GPC3: variants seen among roughly 807,000 people sequenced by gnomAD.
GPC3 encodes glypican-3.
GPC3 carries 3 observed loss-of-function variants against 34.4 expected under a neutral mutation model. That is an observed-to-expected ratio of 0.09 (90% CI 0.04 to 0.23). GPC3 has a LOEUF of 0.23. Among genes scored for constraint, GPC3 ranks in the 10% least tolerant of loss-of-function variants. The probability of loss-of-function intolerance (pLI) is 1.00; values close to 1 mark genes in which losing one functional copy is unlikely to be tolerated. For synonymous variants in GPC3, 177 were observed against 174.0 expected, an observed-to-expected ratio of 1.02 and a Z score of -0.13; for missense variants, 351 against 445.6, an observed-to-expected ratio of 0.79 and a Z score of 1.91.
At chrX:133,571,027 A>C (rs757972567) in intron 7 of GPC3, among the ~76,000 whole-genome samples, 1 of 111,974 alleles carries the variant, frequency 8.9e-6, no homozygotes, top group Admixed American at 9.4e-5. Context: ...GTATCATGAG[A>C]ATTTAGAAGC....
rs189451019 is a variant in GPC3, at chrX:133,911,365, C to T, written c.337+41685G>A. Among the ~76,000 whole-genome samples the T allele has an allele frequency of 4.4e-3, 493 of 112,171 alleles. 3 individuals carry two copies. Among genetic ancestry groups the T allele is most frequent in the Admixed American group, 6.9e-3 (73 of 10,567 alleles). On this transcript the variant is annotated intron_variant, in intron 2 of 7. Coordinates refer to ENST00000370818, the MANE Select transcript of GPC3 (RefSeq NM_004484.4). ...GACTAATTTACACATTTGTTCAACTCGATACAGGTTAACATCCTGGAAAAC... is the reference window on the plus strand; with the variant it reads ...GACTAATTTACACATTTGTTCAACTTGATACAGGTTAACATCCTGGAAAAC...
chrX:133,546,009 G>T (rs1384047776), intron 7 of GPC3, among the ~76,000 whole-genome samples: 3 of 111,605 alleles, frequency 2.7e-5, no homozygotes, highest in Non-Finnish European at 5.6e-5. Flanking sequence ...AACAAACGGG[G>T]ATGTCAATTT....
At chrX:133,620,875 G>T (rs967304705) in intron 6 of GPC3, among the ~76,000 whole-genome samples, 4 of 111,077 alleles carry the variant, frequency 3.6e-5, no homozygotes, top group African/African-American at 6.6e-5. Context: ...CTACATTTCC[G>T]GTTTTCCTAC....
intron 2 of GPC3, among the ~76,000 whole-genome samples, chrX:133,942,697 T>A (rs998829130): frequency 9.1e-6 from 1 of 110,277 alleles, no homozygotes; most frequent in Non-Finnish European, 1.9e-5. Context: ...AAAGAAATAC[T>A]TATTTGTGTA....
chrX:133,922,507 C>A (rs995401363), intron 2 of GPC3, among the ~76,000 whole-genome samples: 1 of 111,742 alleles, frequency 8.9e-6, no homozygotes, highest in South Asian at 3.8e-4. Context: ...TCAGGAACTA[C>A]CAGCTGTGCA....
intron 2 of GPC3, chrX:133,763,430 A>G (rs1166584344): frequency 1.9e-6 from 1 of 537,339 alleles, no homozygotes; most frequent in Non-Finnish European, 3.4e-6. Context: ...GAGACTGAAA[A>G]AGAATAGCAG....
At chrX:133,763,796 A>G (rs1412166824) in intron 2 of GPC3, 1 of 424,541 alleles carries the variant, frequency 2.4e-6, no homozygotes, top group Non-Finnish European at 4.2e-6. Flanking sequence ...ATGCAGAGAA[A>G]AGGGAATGCC....
intron 7 of GPC3, among the ~76,000 whole-genome samples, chrX:133,593,276 C>T (rs1342660995): frequency 7.3e-5 from 7 of 95,653 alleles, no homozygotes; most frequent in Non-Finnish European, 1.4e-4. Flanking sequence ...TTTCAGTGAG[C>T]CAAGATTGTG....
At chrX:133,570,042 C>G (rs1207572894) in intron 7 of GPC3, among the ~76,000 whole-genome samples, 1 of 109,618 alleles carries the variant, frequency 9.1e-6, no homozygotes, top group African/African-American at 3.3e-5. Flanking sequence ...CAGGCACCGA[C>G]CACCATGCCT....
At chrX:133,743,841 G>T (rs1468898407) in intron 3 of GPC3, among the ~76,000 whole-genome samples, 4 of 111,612 alleles carry the variant, frequency 3.6e-5, no homozygotes, top group African/African-American at 1.3e-4. Flanking sequence ...CAGAACAGAG[G>T]CCTCAGAAAT....
intron 6 of GPC3, among the ~76,000 whole-genome samples, chrX:133,632,263 C>T (rs2070375350): frequency 9.0e-6 from 1 of 110,634 alleles, no homozygotes; most frequent in Non-Finnish European, 1.9e-5. Context: ...CCATGTCTGG[C>T]TAGTTTTTGT....
intron 2 of GPC3, among the ~76,000 whole-genome samples, chrX:133,838,864 T>C (rs2075810742): frequency 9.0e-6 from 1 of 111,508 alleles, no homozygotes; most frequent in Non-Finnish European, 1.9e-5. Context: ...TAGCGGGAGG[T>C]GGCAGAAGCA....
chrX:133,758,194 A>G (rs1362314281), intron 2 of GPC3, among the ~76,000 whole-genome samples: 1 of 111,678 alleles, frequency 9.0e-6, no homozygotes, highest in African/African-American at 3.3e-5. Flanking sequence ...CAATCCTAAT[A>G]CTTGGTATAC....
intron 2 of GPC3, among the ~76,000 whole-genome samples, chrX:133,819,607 T>C (rs766549221): frequency 4.2e-4 from 47 of 110,999 alleles, no homozygotes; most frequent in African/African-American, 1.5e-3. Flanking sequence ...AAATGCCTTA[T>C]AAATGGGAAA....
At chrX:133,805,754 A>G (rs978959571) in intron 2 of GPC3, among the ~76,000 whole-genome samples, 7 of 112,251 alleles carry the variant, frequency 6.2e-5, no homozygotes, top group African/African-American at 2.3e-4. Flanking sequence ...GAGGAATCAC[A>G]TATAAAGTAT....
intron 1 of GPC3, among the ~76,000 whole-genome samples, chrX:133,965,175 C>T (rs1450013656): frequency 9.1e-6 from 1 of 109,378 alleles, no homozygotes; most frequent in East Asian, 2.9e-4. Flanking sequence ...GTGTCACCCC[C>T]CCCCACCCCC....
intron 2 of GPC3, among the ~76,000 whole-genome samples, chrX:133,868,643 G>C (rs2075979851): frequency 1.8e-5 from 2 of 111,944 alleles, no homozygotes; most frequent in African/African-American, 3.2e-5. Context: ...AAAGTCTAGA[G>C]CAAGGGAGGA....
intron 2 of GPC3, among the ~76,000 whole-genome samples, chrX:133,756,261 C>G (rs140327047): frequency 8.9e-6 from 1 of 112,338 alleles, no homozygotes; most frequent in Admixed American, 9.4e-5. Context: ...AACAGTTACA[C>G]GCTTGCTGCC....
At position 133,645,571 on chromosome X, in the gene GPC3, CT is replaced by C. The variant is rs1312380555; in HGVS notation, c.1413+16158del. Among the ~76,000 whole-genome samples the C allele has an allele frequency of 3.6e-5, 4 of 111,777 alleles. No homozygotes were observed. In the Admixed American group the frequency reaches 3.8e-4, roughly 11 times the overall value. On this transcript the variant is annotated intron_variant, in intron 6 of 7. Coordinates refer to ENST00000370818, the MANE Select transcript of GPC3 (RefSeq NM_004484.4). ...TAAAAGCTGCTGCTGTTCATCATTG[CT>C]AGCCAAAAGCATTTATAGATTATGG...
Sources: allele counts gnomAD v4.1 joint callset (sites outside exome capture counted in the v4.1 genomes callset), GRCh38; gene constraint gnomAD v4.1.1; transcripts MANE v1.5; gene names NCBI Gene and HGNC (gene_info 2026-07-23, HGNC 2026-07-21).